MAPK4: variants seen among roughly 807,000 people sequenced by gnomAD.
MAPK4 encodes mitogen-activated protein kinase 4.
In MAPK4, 22 loss-of-function variants were observed where a neutral mutation model predicts 47.7. The observed-to-expected ratio is 0.46, with a 90% CI of 0.33 to 0.66. The LOEUF (loss-of-function observed/expected upper bound fraction) is 0.66. Ranked by LOEUF, MAPK4 falls within the 30% of genes least tolerant of loss-of-function variation. MAPK4 has a pLI of 0.02. For synonymous variants in MAPK4, 390 were observed against 365.7 expected (o/e 1.07, Z -0.76); for missense variants, 736 against 831.7 (o/e 0.88, Z 1.42).
In MAPK4 at chr18:50,724,956, C is replaced by T. The variant is rs188233295; in HGVS notation, c.854-1006C>T. Among the ~76,000 whole-genome samples, 78 of 152,344 alleles carry T rather than the reference C, an allele frequency of 5.1e-4. No homozygotes were observed. The East Asian group carries it at 0.013, about 25-fold the overall frequency. On this transcript the variant is annotated intron_variant, in intron 4 of 5. Transcript: ENST00000400384. ...ATCCAAACTTCTAGGCTAGTCCTTG[C>T]GCTGAGATAACCCAGGGCAGAGCTC...
intron 5 of MAPK4, among the ~76,000 whole-genome samples, chr18:50,728,284 A>C (rs1189287581): frequency 6.6e-6 from 1 of 152,240 alleles, no homozygotes; most frequent in Admixed American, 6.5e-5. Context: ...CTGTCTGCCC[A>C]TCTGCCCTTC....
intron 1 of MAPK4, among the ~76,000 whole-genome samples, chr18:50,622,371 T>C (rs9947760): frequency 0.36 from 54,544 of 152,122 alleles, 10,032 homozygotes; most frequent in Middle Eastern, 0.4. Flanking sequence ...TCCTCTGATG[T>C]GTGGGGACTT....
At chr18:50,595,316 G>C (rs1489185698) in intron 1 of MAPK4, among the ~76,000 whole-genome samples, 1 of 152,108 alleles carries the variant, frequency 6.6e-6, no homozygotes, top group Non-Finnish European at 1.5e-5. Flanking sequence ...AAGCAGAATG[G>C]ATAAACAAAC....
At chr18:50,634,621 A>C (rs900827706) in intron 1 of MAPK4, among the ~76,000 whole-genome samples, 5 of 152,208 alleles carry the variant, frequency 3.3e-5, no homozygotes, top group African/African-American at 1.2e-4. Context: ...CCATAGGCAT[A>C]AGAGGTGTTT....
intron 1 of MAPK4, among the ~76,000 whole-genome samples, chr18:50,616,829 C>G (rs1202371031): frequency 6.6e-6 from 1 of 152,188 alleles, no homozygotes; most frequent in Admixed American, 6.5e-5. Flanking sequence ...TTAGATGGTG[C>G]CACCCAGACT....
intron 1 of MAPK4, among the ~76,000 whole-genome samples, chr18:50,622,198 G>A (rs2042738300): frequency 1.3e-5 from 2 of 152,194 alleles, no homozygotes; most frequent in African/African-American, 2.4e-5. Context: ...CTGGCCTGGG[G>A]CATCACACGT....
chr18:50,718,404 G>C lies in MAPK4; in HGVS notation c.691+3181G>C, dbSNP rs190710484. 2.8e-3 allele frequency among the ~76,000 whole-genome samples: 422 copies of C among 152,174 alleles called. 2 individuals are homozygous for C. The highest frequency in any genetic ancestry group is 9.0e-3 in the African/African-American group (374 of 41,522). ...CAGCTAATTTTGTATTTATAGTAGA[G>C]ACGGAGTTTTGCCATGTTGGCCAGG... On this transcript the variant is annotated intron_variant, in intron 3 of 5. Coordinates refer to ENST00000400384, the MANE Select transcript of MAPK4 (RefSeq NM_002747.4).
In MAPK4 at chr18:50,699,013, A is replaced by C. The variant is rs182280275; in HGVS notation, c.547-16066A>C. On this transcript the variant is annotated intron_variant, in intron 2 of 5. Transcript: ENST00000400384. Reference sequence around the variant, plus strand: ...GCACTCCAGCCTGGGCAACAGAGCAAGACTCTGTCTCAAAAAAAAAATAAA... The same window carrying C: ...GCACTCCAGCCTGGGCAACAGAGCACGACTCTGTCTCAAAAAAAAAATAAA... Among the ~76,000 whole-genome samples the C allele has an allele frequency of 1.8e-3, 268 of 152,304 alleles. 4 individuals carry two copies. Among genetic ancestry groups the C allele is most frequent in the African/African-American group, 5.8e-3 (242 of 41,556 alleles).
At chr18:50,691,783 C>G (rs972455953) in intron 2 of MAPK4, among the ~76,000 whole-genome samples, 2 of 152,158 alleles carry the variant, frequency 1.3e-5, no homozygotes, top group Non-Finnish European at 2.9e-5. Flanking sequence ...GTCAAGGGAG[C>G]AGCTCCAATA....
At chr18:50,681,493 GT>G (rs1212414110) in intron 2 of MAPK4, among the ~76,000 whole-genome samples, 1 of 152,106 alleles carries the variant, frequency 6.6e-6, no homozygotes, top group Non-Finnish European at 1.5e-5. Context: ...AGAAACCACT[GT>G]CTAATCCAAG....
chr18:50,597,899 A>G (rs2042497692), intron 1 of MAPK4, among the ~76,000 whole-genome samples: 1 of 152,200 alleles, frequency 6.6e-6, no homozygotes, highest in Non-Finnish European at 1.5e-5. Context: ...CTGAAAATAT[A>G]TAAAAGTGGC....
chr18:50,657,448 A>G (rs1041369236), intron 1 of MAPK4, among the ~76,000 whole-genome samples: 40 of 152,182 alleles, frequency 2.6e-4, no homozygotes, highest in African/African-American at 9.6e-4. Context: ...AGAGAACTGC[A>G]GAAGCTGAGG....
At chr18:50,715,343 G>T in intron 3 of MAPK4, 120 bp downstream of exon 3, 2 of 1,236,492 alleles carry the variant, frequency 1.6e-6, no homozygotes, top group Non-Finnish European at 2.2e-6. Context: ...TTACTTCTGT[G>T]GCTTTTATGA....
At chr18:50,565,655 A>T (rs1327445264) in intron 1 of MAPK4, among the ~76,000 whole-genome samples, 1 of 152,204 alleles carries the variant, frequency 6.6e-6, no homozygotes, top group Non-Finnish European at 1.5e-5. Context: ...AAACTGTAAG[A>T]TTATAATACT....
chr18:50,720,133 G>C (rs1910857925), intron 3 of MAPK4, among the ~76,000 whole-genome samples: 1 of 152,158 alleles, frequency 6.6e-6, no homozygotes, highest in Non-Finnish European at 1.5e-5. Flanking sequence ...ATTTTCAGTG[G>C]TGGCTTAGTA....
intron 2 of MAPK4, among the ~76,000 whole-genome samples, 158 bp from the exon 3 acceptor site, chr18:50,714,921 T>C (rs1332523447): frequency 6.6e-6 from 1 of 152,110 alleles, no homozygotes; most frequent in African/African-American, 2.4e-5. Flanking sequence ...TAACCAGACG[T>C]CTGTTCACTC....
At chr18:50,607,600 G>A (rs755776398) in intron 1 of MAPK4, among the ~76,000 whole-genome samples, 4 of 152,312 alleles carry the variant, frequency 2.6e-5, no homozygotes, top group Non-Finnish European at 5.9e-5. Context: ...CTGGAGGGAC[G>A]AATTGGGTTA....
At chr18:50,676,009 C>T (rs1568075914) in intron 2 of MAPK4, among the ~76,000 whole-genome samples, 1 of 152,324 alleles carries the variant, frequency 6.6e-6, no homozygotes, top group South Asian at 2.1e-4. Context: ...GTACACATCA[C>T]GCTGTTCATG....
chr18:50,593,518 G>A (rs1484945951), intron 1 of MAPK4, among the ~76,000 whole-genome samples: 1 of 152,164 alleles, frequency 6.6e-6, no homozygotes, highest in Non-Finnish European at 1.5e-5. Context: ...TCCTCTATTT[G>A]TGAAGTGGAA....
Sources: allele counts gnomAD v4.1 joint callset (sites outside exome capture counted in the v4.1 genomes callset), GRCh38; gene constraint gnomAD v4.1.1; transcripts MANE v1.5; gene names NCBI Gene and HGNC (gene_info 2026-07-23, HGNC 2026-07-21).